The following NFIC variants were observed in gnomAD, a reference collection of about 807,000 sequenced individuals.
NFIC encodes the protein nuclear factor 1 C-type.
NFIC carries 12 observed loss-of-function variants against 54.4 expected under a neutral mutation model. The ratio of observed to expected loss-of-function variants is 0.22; its 90% CI spans 0.14 to 0.36. The LOEUF (loss-of-function observed/expected upper bound fraction) is 0.36, where lower values mean the gene tolerates loss of function less well. NFIC is among the 10% of genes least tolerant of loss of function. The probability of loss-of-function intolerance (pLI) is 1.00; values close to 1 mark genes in which losing one functional copy is unlikely to be tolerated. For missense variants in NFIC, 575 were observed against 718.2 expected (o/e 0.80, Z 2.28); for synonymous variants, 322 against 319.2 (o/e 1.01, Z -0.09).
In NFIC at chr19:3,467,250, C is replaced by T. The variant is rs1459045656; in HGVS notation, c.*4481C>T. The T allele has an allele frequency of 7.3e-6, 1 of 136,524 alleles. No individual in the cohort carries two copies. The highest frequency in any genetic ancestry group is 1.6e-5 in the Non-Finnish European group (1 of 63,498). The allele number at this position is 136,524 out of a possible 1,614,324, so 8.5% of individuals were successfully genotyped here. ...CCCCAGTCTCATTCTGGGGTCTGCC[C>T]ATGCTGTGGGAAAGAATAGGGAGGC... On this transcript the variant is annotated 3_prime_UTR_variant, in exon 11 of 11. Transcript: ENST00000443272.
At chr19:3,380,235 A>G (rs1221589624) in intron 1 of NFIC, among the ~76,000 whole-genome samples, 3 of 129,240 alleles carry the variant, frequency 2.3e-5, no homozygotes, top group Non-Finnish European at 3.2e-5. Flanking sequence ...CAATCTCCTG[A>G]CCTCGTGATC....
chr19:3,414,420 C>T (rs56384593), intron 2 of NFIC, among the ~76,000 whole-genome samples: 85,224 of 151,490 alleles, frequency 0.56, 24,689 homozygotes, highest in Non-Finnish European at 0.63. Context: ...CATGGCAAAA[C>T]CCTGTCTCTA....
rs915828665 is a variant in NFIC at position 3,465,507 on chromosome 19, C to T, written c.*2738C>T. 6.6e-6 allele frequency: 1 copy of T among 150,714 alleles called. No homozygotes were observed. The highest frequency in any genetic ancestry group is 1.5e-5 in the Non-Finnish European group (1 of 67,660). 9.3% of individuals were successfully genotyped at this position (150,714 alleles called of 1,614,324 possible). A position where few individuals can be genotyped will look rare whatever the true frequency, so the allele number is the denominator to read the frequency against. ...CCACTGAAAACAATTGCCCCCAGGT[C>T]TACCCAGCCCCTGGCTGTCCTTGGT... On this transcript the variant is annotated 3_prime_UTR_variant, in exon 11 of 11. Transcript: ENST00000443272.
At chr19:3,394,523 A>ACCCCC (rs1387633539) in intron 2 of NFIC, among the ~76,000 whole-genome samples, 6 of 51,174 alleles carry the variant, frequency 1.2e-4, no homozygotes, top group East Asian at 9.5e-4. Context: ...TTCCCCACCC[A>ACCCCC]CCCCCCACCC....
At chr19:3,444,958 CACAT>C (rs1366564282) in intron 6 of NFIC, among the ~76,000 whole-genome samples, 3 of 152,340 alleles carry the variant, frequency 2.0e-5, no homozygotes, top group Middle Eastern at 3.4e-3. Flanking sequence ...TGCAGGCATA[CACAT>C]ACATGCATAT....
chr19:3,408,551 C>T (rs1001923775), intron 2 of NFIC, among the ~76,000 whole-genome samples: 2 of 152,200 alleles, frequency 1.3e-5, no homozygotes, highest in Non-Finnish European at 2.9e-5. Context: ...AAGCAATCCT[C>T]GCACCTCAGC....
rs921056604 is a variant in NFIC, at chr19:3,361,064, C to T, written c.3+1379C>T. Among the ~76,000 whole-genome samples, 3 of 152,308 alleles carry T rather than the reference C, an allele frequency of 2.0e-5. 1 individual carries two copies. Among genetic ancestry groups the T allele is most frequent in the South Asian group, 4.1e-4 (2 of 4,832 alleles). On this transcript the variant is annotated intron_variant, in intron 1 of 9. Coordinates refer to the NFIC transcript ENST00000395111. ...CCCTCCACCTTTTCAAAACTCTGTCCCTTTATCTTTCCCCTACGTCCCCTC... is the reference window on the plus strand; with the variant it reads ...CCCTCCACCTTTTCAAAACTCTGTCTCTTTATCTTTCCCCTACGTCCCCTC...
At chr19:3,397,793 T>A (rs1464598962) in intron 2 of NFIC, among the ~76,000 whole-genome samples, 1 of 152,198 alleles carries the variant, frequency 6.6e-6, no homozygotes, top group Non-Finnish European at 1.5e-5. Context: ...AGAAAGAATG[T>A]GAGCGGGGGA....
At chr19:3,366,534 C>CGGGGGGGGGGGGGGGGGGGGG, upstream of NFIC, 1 of 361,260 alleles carries the variant, frequency 2.8e-6, no homozygotes, top group Non-Finnish European at 4.2e-6. Context: ...GGCCGCGGGG[C>CGGGGGGGGGGGGGGGGGGGGG]GGGGGGGGGG....
intron 6 of NFIC, among the ~76,000 whole-genome samples, chr19:3,437,183 C>T (rs1366633433): frequency 3.9e-5 from 6 of 151,980 alleles, no homozygotes; most frequent in African/African-American, 1.4e-4. Flanking sequence ...CCGGCTAACA[C>T]AGTGAAACCC....
chr19:3,402,752 AG>A (rs1419049105), intron 2 of NFIC, among the ~76,000 whole-genome samples: 1 of 152,202 alleles, frequency 6.6e-6, no homozygotes, highest in Non-Finnish European at 1.5e-5. Flanking sequence ...AGAGATCTCA[AG>A]AGAGAGCAAG....
intron 2 of NFIC, among the ~76,000 whole-genome samples, chr19:3,413,811 A>T (rs1006967947): frequency 4.6e-5 from 7 of 151,848 alleles, no homozygotes; most frequent in African/African-American, 1.7e-4. Flanking sequence ...TAGTTTTTGT[A>T]TTTTTAGTAG....
intron 1 of NFIC, among the ~76,000 whole-genome samples, chr19:3,376,009 G>A (rs908352275): frequency 5.9e-5 from 9 of 152,044 alleles, no homozygotes; most frequent in African/African-American, 1.7e-4. Context: ...TCCTCACACC[G>A]GCCCTGAGAC....
At position 3,466,113 on chromosome 19, in the gene NFIC, A is replaced by G. The variant is rs2082714268; in HGVS notation, c.*3344A>G. 6.6e-6 allele frequency: 1 copy of G among 152,168 alleles called. No individual in the cohort carries two copies. The highest frequency in any genetic ancestry group is 3.2e-3 in the Middle Eastern group (1 of 316). The allele number at this position is 152,168 out of a possible 1,614,324, so 9.4% of individuals were successfully genotyped here. On this transcript the variant is annotated 3_prime_UTR_variant, in exon 11 of 11. Coordinates refer to ENST00000443272, the MANE Select transcript of NFIC (RefSeq NM_001245002.2). The surrounding 1 kb of genome is among the most constrained non-coding windows in gnomAD (Gnocchi z 4.8). ...GGCCTGGCTCAGCCATTGGAGGCCCAGCCGAGGGTCCGGCAGGGCACAGGG... is the reference window on the plus strand; with the variant it reads ...GGCCTGGCTCAGCCATTGGAGGCCCGGCCGAGGGTCCGGCAGGGCACAGGG...
At position 3,458,789 on chromosome 19, in the gene NFIC, G is replaced by A. The variant is rs145753252; in HGVS notation, c.1509+2154G>A. On this transcript the variant is annotated intron_variant, in intron 10 of 10. Coordinates refer to ENST00000443272, the MANE Select transcript of NFIC (RefSeq NM_001245002.2). The surrounding 1 kb of genome is among the most constrained non-coding windows in gnomAD (Gnocchi z 4.1). ...GAGCCATAGAAGGGTTTAGAGGGAG[G>A]GAGTGGACACCCACCAGGCCTGGGA... Among the ~76,000 whole-genome samples the A allele has an allele frequency of 6.7e-3, 1,012 of 152,158 alleles. 8 individuals carry two copies. The highest frequency in any genetic ancestry group is 0.023 in the African/African-American group (957 of 41,494).
Position 3,375,353 on chromosome 19 carries a change from G to A in NFIC, c.31-6359G>A, listed in dbSNP as rs910069745. ...TGCGCCTCTATGGGTCCTCTCTGCC[G>A]CGTCCCACTGTGCCCCCCACCACCC... On this transcript the variant is annotated intron_variant, in intron 1 of 10. Transcript: ENST00000443272. This position sits in a 1 kb window ranked among gnomAD's most constrained non-coding sequence, Gnocchi z 4.6. Among the ~76,000 whole-genome samples the A allele has an allele frequency of 3.9e-5, 6 of 152,094 alleles. No homozygotes were observed. The highest frequency in any genetic ancestry group is 7.4e-5 in the Non-Finnish European group (5 of 68,006).
chr19:3,359,668 C>T (rs1402666731), exon 1 of NFIC: 14 of 1,409,348 alleles, frequency 9.9e-6, no homozygotes, highest in South Asian at 2.9e-5. Context: ...GGCCTCGCCT[C>T]CTCGCAGCAG....
intron 2 of NFIC, among the ~76,000 whole-genome samples, chr19:3,386,622 C>G (rs2081301343): frequency 6.6e-6 from 1 of 152,168 alleles, no homozygotes; most frequent in South Asian, 2.1e-4. Flanking sequence ...CGCGCCCGGC[C>G]TGTTGTACGC....
At chr19:3,386,255 C>A (rs527857811) in intron 2 of NFIC, among the ~76,000 whole-genome samples, 1 of 148,658 alleles carries the variant, frequency 6.7e-6, no homozygotes, top group East Asian at 2.0e-4. Context: ...ACCTGCCTGG[C>A]TGAAAATTCT....
Sources: gnomAD v4.1 joint callset for allele counts (sites outside exome capture counted in the v4.1 genomes callset) on GRCh38, gnomAD v4.1.1 for gene constraint, Gnocchi (gnomAD v3.1) non-coding constraint, MANE v1.5 for transcripts, NCBI Gene and HGNC (gene_info 2026-07-23, HGNC 2026-07-21) for gene names.